Variants in RPL18 observed in about 807,000 individuals in gnomAD.
RPL18 encodes large ribosomal subunit protein eL18.
A neutral mutation model predicts 25.0 loss-of-function variants in RPL18; 4 were observed. That is an observed-to-expected ratio of 0.16 (90% CI 0.08 to 0.37). The LOEUF is 0.37. RPL18 is among the 10% of genes least tolerant of loss of function. The pLI is 1.00. For missense variants in RPL18, 179 were observed against 267.9 expected (o/e 0.67, Z 2.32); for synonymous variants, 129 against 101.6 (o/e 1.27, Z -1.62).
In RPL18 at chr19:48,618,134, G is replaced by A. The variant is rs142907288; in HGVS notation, c.4-257C>T. 1.7e-4 allele frequency: 56 copies of A among 336,900 alleles called. No individual in the cohort carries two copies. The East Asian group carries it at 3.0e-3, about 18-fold the overall frequency. The allele number at this position is 336,900 out of a possible 1,614,324, so 20.9% of individuals were successfully genotyped here. A position where few individuals can be genotyped will look rare whatever the true frequency, so the allele number is the denominator to read the frequency against. On this transcript the variant is annotated intron_variant, in intron 1 of 6. Transcript: ENST00000549920. ...AATCATATTAACTTAATACAAAAAGGTCAATTCTTTACAACTTGTATTTTG... is the reference window on the plus strand; with the variant it reads ...AATCATATTAACTTAATACAAAAAGATCAATTCTTTACAACTTGTATTTTG...
Position 48,616,068 on chromosome 19 carries a change from G to C in RPL18, c.421+11C>G, listed in dbSNP as rs371360534. Reference sequence around the variant, plus strand: ...AGCTCAGTCCAAACCCGTCGACCACGTATCACTCACCGGAGAGCAGGACAG... The same window carrying C: ...AGCTCAGTCCAAACCCGTCGACCACCTATCACTCACCGGAGAGCAGGACAG... On this transcript the variant is annotated intron_variant, in intron 5 of 6. Transcript: ENST00000549920. The C allele has an allele frequency of 3.7e-6, 6 of 1,614,000 alleles. No individual in the cohort carries two copies. The highest frequency in any genetic ancestry group is 1.1e-5 in the South Asian group (1 of 91,074).
intron 6 of RPL18, 199 bp from the exon 7 acceptor site, chr19:48,615,646 C>T (rs1974144067): frequency 1.5e-6 from 1 of 646,620 alleles, no homozygotes; most frequent in Non-Finnish European, 2.7e-6. Flanking sequence ...CCAGCCTGGG[C>T]TGGCAAAGGC....
chr19:48,615,508 A>G, intron 6 of RPL18, 61 bp from the exon 7 acceptor site: 1 of 1,228,086 alleles, frequency 8.1e-7, no homozygotes, highest in Non-Finnish European at 1.2e-6. Context: ...GTGGAGTGGC[A>G]CAGGAACACC....
rs774637834 is a variant in RPL18 at position 48,617,751 on chromosome 19, T to TG, written c.90+39dup. ...GAATGGAGGATCTGCAAGTCAGACC[T>TG]GGGGTGACCCTTCCCAAAGACCTCA... On this transcript the variant is annotated intron_variant, in intron 2 of 6. Coordinates refer to ENST00000549920, the MANE Select transcript of RPL18 (RefSeq NM_000979.4). 101 of 1,511,870 alleles carry TG rather than the reference T, an allele frequency of 6.7e-5. 1 individual carries two copies. In the East Asian group the frequency reaches 2.1e-3, roughly 31 times the overall value. 93.7% of individuals were successfully genotyped at this position (1,511,870 alleles called of 1,614,324 possible). A position where few individuals can be genotyped will look rare whatever the true frequency, so the allele number is the denominator to read the frequency against.
chr19:48,615,376 T>A lies in RPL18; in HGVS notation c.563A>T (p.Asn188Ile). 2 of 1,610,934 alleles carry A rather than the reference T, an allele frequency of 1.2e-6. No homozygotes were observed. The highest frequency in any genetic ancestry group is 1.3e-5 in the African/African-American group (1 of 74,958). Residue 188 changes from asparagine to isoleucine, a missense_variant, in exon 7 of 7, where the codon AAC becomes ATC. By Grantham distance (149) the Asn-to-Ile change is moderately radical. Coordinates refer to ENST00000549920, the MANE Select transcript of RPL18 (RefSeq NM_000979.4). The part of the protein sequence containing the change: ...RGRRASRGYK[N>I] ...ATAAGAGAGTAGGATCCAGGGTTAGTTTTTGTAGCCTCGGCTGGCCCGTCG... is the reference window on the plus strand; with the variant it reads ...ATAAGAGAGTAGGATCCAGGGTTAGATTTTGTAGCCTCGGCTGGCCCGTCG...
chr19:48,616,300 G>A (rs1198531327), intron 4 of RPL18, 98 bp from the exon 5 acceptor site: 2 of 1,500,162 alleles, frequency 1.3e-6, no homozygotes, highest in Non-Finnish European at 1.8e-6. Flanking sequence ...CAGAGCCCTG[G>A]TAACCAACAC....
At chr19:48,617,532 T>TC in intron 2 of RPL18, 109 bp from the exon 3 acceptor site, 1 of 888,754 alleles carries the variant, frequency 1.1e-6, no homozygotes, top group Non-Finnish European at 1.8e-6. Context: ...TTTATCCCTT[T>TC]CCCCCAACCC....
At chr19:48,617,662 G>A in intron 2 of RPL18, 129 bp downstream of exon 2, 1 of 745,320 alleles carries the variant, frequency 1.3e-6, no homozygotes, top group Non-Finnish European at 2.3e-6. Flanking sequence ...AGGAGACCCT[G>A]GAACAGAACC....
At chr19:48,616,904 C>T (rs1221961991) in intron 3 of RPL18, 80 bp from the exon 4 acceptor site, 2 of 1,055,860 alleles carry the variant, frequency 1.9e-6, no homozygotes, top group African/African-American at 3.1e-5. Flanking sequence ...CAGGCCAGGG[C>T]AGCTGTGCCC....
chr19:48,617,898 C>A, intron 1 of RPL18, 21 bp from the exon 2 acceptor site: 2 of 1,573,596 alleles, frequency 1.3e-6, no homozygotes, highest in Non-Finnish European at 1.7e-6. Context: ...GAAGAGGCAA[C>A]CATGGACCCA....
chr19:48,615,626 C>G, intron 6 of RPL18, 179 bp from the exon 7 acceptor site: 1 of 656,990 alleles, frequency 1.5e-6, no homozygotes, highest in Admixed American at 2.8e-5. Context: ...GCCCCACCAC[C>G]TGGAGGGTCC....
rs374673952 is a variant in RPL18 at position 48,616,831 on chromosome 19, G to A, written c.199-7C>T. Reference sequence around the variant, plus strand: ...GAAGCTTCATCTTCCGGATCTTAGGGTGGGGAGGATGTACGTCGTAAGTTG... The same window carrying A: ...GAAGCTTCATCTTCCGGATCTTAGGATGGGGAGGATGTACGTCGTAAGTTG... On this transcript the variant is annotated splice_polypyrimidine_tract_variant and splice_region_variant and intron_variant, in intron 3 of 6. Transcript: ENST00000549920. The A allele has an allele frequency of 2.5e-6, 4 of 1,605,776 alleles. No homozygotes were observed. The highest frequency in any genetic ancestry group is 1.7e-5 in the Admixed American group (1 of 59,988).
intron 6 of RPL18, 108 bp from the exon 7 acceptor site, chr19:48,615,555 C>G: frequency 1.1e-6 from 1 of 913,340 alleles, no homozygotes; most frequent in Non-Finnish European, 1.7e-6. Context: ...AGAGTCAATG[C>G]TGCTGGAAAA....
chr19:48,616,068 G>GT lies in RPL18; in HGVS notation c.421+10dup. The GT allele has an allele frequency of 1.2e-6, 2 of 1,614,118 alleles. No homozygotes were observed. Among genetic ancestry groups the GT allele is most frequent in the Non-Finnish European group, 1.7e-6 (2 of 1,179,996 alleles). On this transcript the variant is annotated intron_variant, in intron 5 of 6. Transcript: ENST00000549920. ...AGCTCAGTCCAAACCCGTCGACCACGTATCACTCACCGGAGAGCAGGACAG... is the reference window on the plus strand; with the variant it reads ...AGCTCAGTCCAAACCCGTCGACCACGTTATCACTCACCGGAGAGCAGGACAG...
At chr19:48,617,731 G>A (rs945923962) in intron 2 of RPL18, 60 bp downstream of exon 2, 4 of 1,327,498 alleles carry the variant, frequency 3.0e-6, no homozygotes, top group African/African-American at 1.4e-5. Flanking sequence ...CACTAGAATG[G>A]AGGATCTGCA....
chr19:48,615,585 C>T, intron 6 of RPL18, 138 bp from the exon 7 acceptor site: 1 of 773,200 alleles, frequency 1.3e-6, no homozygotes, highest in Non-Finnish European at 2.1e-6. Context: ...AGTGGGAAGC[C>T]AAGGAGCCAG....
chr19:48,616,067 C>G lies in RPL18; in HGVS notation c.421+12G>C. Reference sequence around the variant, plus strand: ...CAGCTCAGTCCAAACCCGTCGACCACGTATCACTCACCGGAGAGCAGGACA... The same window carrying G: ...CAGCTCAGTCCAAACCCGTCGACCAGGTATCACTCACCGGAGAGCAGGACA... On this transcript the variant is annotated intron_variant, in intron 5 of 6. Coordinates refer to ENST00000549920, the MANE Select transcript of RPL18 (RefSeq NM_000979.4). 1 of 1,614,142 alleles carries G rather than the reference C, an allele frequency of 6.2e-7. No individual in the cohort carries two copies. Among genetic ancestry groups the G allele is most frequent in the Non-Finnish European group, 8.5e-7 (1 of 1,180,006 alleles).
rs753213864 is a variant in RPL18 at position 48,617,827 on chromosome 19, G to A, written c.54C>T (p.Pro18=). 2.4e-5 allele frequency: 39 copies of A among 1,614,044 alleles called. No homozygotes were observed. The South Asian group carries it at 4.0e-4, about 16-fold the overall frequency. The change falls in exon 2 of 7, where the codon CCC becomes CCT. Residue 18 remains proline (P), a synonymous_variant. Coordinates refer to ENST00000549920, the MANE Select transcript of RPL18 (RefSeq NM_000979.4). ...NKDRKVRRKE[P]KSQDIYLRLL... ...GCCTCAGGTAGATATCCTGGCTCTT[G>A]GGCTCCTTGCGCCGAACCTTTCGGT...
At position 48,615,896 on chromosome 19, in the gene RPL18, T is replaced by C. The variant is rs760233721; in HGVS notation, c.472A>G (p.Thr158Ala). ...VYRHFGKAPG[T>A]PHSHTKPYVR... Reference sequence around the variant, plus strand: ...ACTCACTTGGTGTGGCTGTGCGGGGTTCCTGGGGCCTTGCCGAAATGCCGG... The same window carrying C: ...ACTCACTTGGTGTGGCTGTGCGGGGCTCCTGGGGCCTTGCCGAAATGCCGG... Residue 158 changes from threonine (T) to alanine (A), a missense_variant, in exon 6 of 7, where the codon ACC (threonine) becomes GCC (alanine). Coordinates refer to ENST00000549920, the MANE Select transcript of RPL18 (RefSeq NM_000979.4). 8 of 1,611,780 alleles carry C rather than the reference T, an allele frequency of 5.0e-6. No individual in the cohort carries two copies. The highest frequency in any genetic ancestry group is 6.8e-6 in the Non-Finnish European group (8 of 1,179,184).
Sources: gnomAD v4.1 joint callset for allele counts on GRCh38, gnomAD v4.1.1 for gene constraint, MANE v1.5 for transcripts, NCBI Gene and HGNC (gene_info 2026-07-23, HGNC 2026-07-21) for gene names.